The following SLIT3 variants were observed in gnomAD, a reference collection of about 807,000 sequenced individuals.
The protein encoded by SLIT3 is slit homolog 3 protein.
Under a neutral mutation model 184.0 loss-of-function variants are expected in SLIT3, and 68 were observed. That is an observed-to-expected ratio of 0.37 (90% confidence interval 0.30 to 0.45). The LOEUF (loss-of-function observed/expected upper bound fraction) is 0.45, where lower values mean the gene tolerates loss of function less well. Ranked by LOEUF, SLIT3 falls within the 20% of genes least tolerant of loss-of-function variation. The pLI is 1.00. For missense variants in SLIT3, 1,707 were observed against 2,026.0 expected (o/e 0.84, Z 3.02); for synonymous variants, 831 against 828.6 (o/e 1.00, Z -0.05).
At chr5:168,998,121 C>T (rs1755576199) in intron 4 of SLIT3, among the ~76,000 whole-genome samples, 1 of 152,126 alleles carries the variant, frequency 6.6e-6, no homozygotes, top group African/African-American at 2.4e-5. Flanking sequence ...CACAGAGTTA[C>T]AAGAAAGAAA....
chr5:169,064,689 A>G (rs756025291), intron 4 of SLIT3, among the ~76,000 whole-genome samples: 6 of 152,224 alleles, frequency 3.9e-5, no homozygotes, highest in Non-Finnish European at 7.3e-5. Flanking sequence ...AAGAAAGGTC[A>G]GTCCGGCTCT....
chr5:168,867,926 T>G (rs73310250), intron 5 of SLIT3, among the ~76,000 whole-genome samples: 3,737 of 152,332 alleles, frequency 0.025, 137 homozygotes, highest in African/African-American at 0.084. Flanking sequence ...GCATGATCTA[T>G]ATCAGAGGCC....
At chr5:169,034,320 A>G (rs536322934) in intron 4 of SLIT3, among the ~76,000 whole-genome samples, 1 of 152,300 alleles carries the variant, frequency 6.6e-6, no homozygotes, top group South Asian at 2.1e-4. Flanking sequence ...AAACCTGTCA[A>G]GGCCAATCAA....
chr5:168,741,302 C>G (rs1331495184), intron 20 of SLIT3, among the ~76,000 whole-genome samples: 2 of 151,794 alleles, frequency 1.3e-5, no homozygotes, highest in Non-Finnish European at 2.9e-5. Context: ...AACCCCGTCT[C>G]TACTAAAAAA....
chr5:169,231,702 T>C (rs1765008846), intron 3 of SLIT3, among the ~76,000 whole-genome samples: 1 of 152,208 alleles, frequency 6.6e-6, no homozygotes, highest in Non-Finnish European at 1.5e-5. Flanking sequence ...GTAGGGTATG[T>C]ACCCAAGAGT....
chr5:168,826,009 G>A (rs12518004), intron 6 of SLIT3, among the ~76,000 whole-genome samples: 44,283 of 152,052 alleles, frequency 0.29, 8,900 homozygotes, highest in African/African-American at 0.58. Flanking sequence ...AGAACCCTTT[G>A]CAGAGAAGGG....
intron 23 of SLIT3, among the ~76,000 whole-genome samples, chr5:168,719,347 C>T (rs998609775): frequency 3.3e-5 from 5 of 152,136 alleles, no homozygotes; most frequent in Admixed American, 6.5e-5. Context: ...CCACCATGCC[C>T]GGTCTTCATT....
intron 1 of SLIT3, among the ~76,000 whole-genome samples, chr5:169,284,414 A>G (rs1767090081): frequency 6.6e-6 from 1 of 152,218 alleles, no homozygotes; most frequent in African/African-American, 2.4e-5. Context: ...TGAAAAATGA[A>G]GCCATTGTGA....
intron 20 of SLIT3, among the ~76,000 whole-genome samples, chr5:168,738,540 C>T (rs1414832355): frequency 6.6e-6 from 1 of 152,174 alleles, no homozygotes; most frequent in African/African-American, 2.4e-5. Flanking sequence ...TTTCATGGAA[C>T]ACTGTTTTTA....
chr5:168,865,005 T>C (rs1759246671), intron 5 of SLIT3, among the ~76,000 whole-genome samples: 1 of 151,922 alleles, frequency 6.6e-6, no homozygotes, highest in African/African-American at 2.4e-5. Flanking sequence ...CCATCTCTAC[T>C]AAAAATACAA....
chr5:169,275,226 C>A (rs62376940), intron 1 of SLIT3, among the ~76,000 whole-genome samples: 6 of 152,160 alleles, frequency 3.9e-5, no homozygotes, highest in African/African-American at 1.4e-4. Context: ...AACCCTGGGA[C>A]AACAGGTATC....
intron 20 of SLIT3, among the ~76,000 whole-genome samples, chr5:168,730,161 T>G (rs1763252021): frequency 6.6e-6 from 1 of 151,120 alleles, no homozygotes; most frequent in Admixed American, 6.6e-5. Context: ...AGGGAACAAT[T>G]CAGCAAGAGG....
intron 4 of SLIT3, among the ~76,000 whole-genome samples, chr5:169,097,386 G>A (rs1759828710): frequency 6.6e-6 from 1 of 151,870 alleles, no homozygotes; most frequent in African/African-American, 2.4e-5. Context: ...AAAGGGGAGA[G>A]GAAATGGGAG....
intron 1 of SLIT3, among the ~76,000 whole-genome samples, chr5:169,293,540 G>A (rs1364927334): frequency 6.6e-6 from 1 of 152,170 alleles, no homozygotes; most frequent in East Asian, 1.9e-4. Flanking sequence ...TAGGAATATT[G>A]ATGGAGGGTG....
rs914232058 is a variant in SLIT3, at chr5:168,919,214, C to T, written c.414-35878G>A. On this transcript the variant is annotated intron_variant, in intron 4 of 35. Transcript: ENST00000519560. ...GGCGGAGGTTGCAGTGAGCCGAGAT[C>T]GCGCCACTGCACTCCAGCCTGGGGG... is the stretch of plus-strand genomic sequence containing the variant. Among the ~76,000 whole-genome samples, 23 of 149,730 alleles carry T rather than the reference C, an allele frequency of 1.5e-4. No homozygotes were observed. In the East Asian group the frequency reaches 1.8e-3, roughly 12 times the overall value.
At chr5:168,703,226 T>TTGTGTGTGTGTGTGTGTGTG (rs370363011) in intron 26 of SLIT3, among the ~76,000 whole-genome samples, 1 of 126,658 alleles carries the variant, frequency 7.9e-6, no homozygotes, top group Non-Finnish European at 1.7e-5. Flanking sequence ...TCATCCCACT[T>TTGTGTGTGTGTGTGTGTGTG]TGTGTGTGTG....
chr5:168,746,703 TGGTGTGTGGTGTGGGTGTGGC>T (rs1400085543), intron 20 of SLIT3, among the ~76,000 whole-genome samples: 590 of 61,110 alleles, frequency 9.7e-3, no homozygotes, highest in East Asian at 0.018. Context: ...GTGGGTGTGG[TGGTGTGTGGTGTGGGTGTGGC>T]GGTGTGTGGT....
intron 4 of SLIT3, chr5:168,995,451 T>TGCAC (rs1755477882): frequency 6.6e-6 from 1 of 152,236 alleles, no homozygotes; most frequent in African/African-American, 2.4e-5. Flanking sequence ...TAGTCATGCT[T>TGCAC]GCACAAGCTA....
intron 4 of SLIT3, among the ~76,000 whole-genome samples, chr5:168,958,903 G>A (rs900948433): frequency 6.6e-6 from 1 of 152,214 alleles, no homozygotes; most frequent in Admixed American, 6.5e-5. Flanking sequence ...TCCACCATGA[G>A]TGGTATGGTA....
Sources: gnomAD v4.1 joint callset for allele counts (sites outside exome capture counted in the v4.1 genomes callset) on GRCh38, gnomAD v4.1.1 for gene constraint, MANE v1.5 for transcripts, NCBI Gene and HGNC (gene_info 2026-07-23, HGNC 2026-07-21) for gene names.